The following SMAP1 variants were observed in gnomAD, a reference collection of about 807,000 sequenced individuals.
SMAP1 encodes small ArfGAP 1.
In SMAP1, 24 loss-of-function variants were observed where a neutral mutation model predicts 58.5. That is an observed-to-expected ratio of 0.41 (90% CI 0.30 to 0.58). The LOEUF (loss-of-function observed/expected upper bound fraction) is 0.58. SMAP1 is among the 20% of genes least tolerant of loss of function. The pLI, the probability that SMAP1 is intolerant of heterozygous loss-of-function variation, is 0.29. For missense variants in SMAP1, 563 were observed against 566.3 expected, an observed-to-expected ratio of 0.99 and a Z score of 0.06; for synonymous variants, 216 against 196.6, an observed-to-expected ratio of 1.10 and a Z score of -0.82.
intron 1 of SMAP1, among the ~76,000 whole-genome samples, chr6:70,731,143 C>T (rs901742490): frequency 1.5e-4 from 23 of 152,184 alleles, no homozygotes; most frequent in African/African-American, 5.5e-4. Flanking sequence ...ATACATTTTT[C>T]ATAATCAACT....
intron 4 of SMAP1, among the ~76,000 whole-genome samples, chr6:70,786,605 G>T (rs1401493003): frequency 1.3e-5 from 2 of 151,962 alleles, no homozygotes; most frequent in Non-Finnish European, 2.9e-5. Context: ...CTTCAGCAAA[G>T]TCTCAGGATA....
chr6:70,748,244 A>G (rs1032925464), intron 2 of SMAP1, among the ~76,000 whole-genome samples: 1 of 152,216 alleles, frequency 6.6e-6, no homozygotes, highest in African/African-American at 2.4e-5. Flanking sequence ...GGGACTAAAA[A>G]TATTCATTTT....
At position 70,861,555 on chromosome 6, in the gene SMAP1, T is replaced by C. The variant is rs1317798495; in HGVS notation, c.*1221T>C. The C allele has an allele frequency of 1.2e-5, 12 of 960,706 alleles. No homozygotes were observed. The East Asian group carries it at 2.9e-4, about 24-fold the overall frequency. The allele number at this position is 960,706 out of a possible 1,614,324, so 59.5% of individuals were successfully genotyped here. On this transcript the variant is annotated 3_prime_UTR_variant, in exon 11 of 11. Transcript: ENST00000370455. Reference sequence around the variant, plus strand: ...CATCAGATGACAAGAAAGGCTGCTGTACTGAAGTAAAACAAACAATACCTG... The same window carrying C: ...CATCAGATGACAAGAAAGGCTGCTGCACTGAAGTAAAACAAACAATACCTG...
intron 6 of SMAP1, among the ~76,000 whole-genome samples, chr6:70,829,330 C>G (rs1367464383): frequency 6.6e-6 from 1 of 151,228 alleles, no homozygotes; most frequent in African/African-American, 2.4e-5. Context: ...CCAGCCTGTT[C>G]TCCAACTACT....
At chr6:70,808,547 A>G (rs1049722232) in intron 6 of SMAP1, among the ~76,000 whole-genome samples, 1 of 152,202 alleles carries the variant, frequency 6.6e-6, no homozygotes, top group Non-Finnish European at 1.5e-5. Context: ...CTGATCCATC[A>G]GTCACTTAAC....
At chr6:70,815,007 A>G (rs1769557343) in intron 6 of SMAP1, among the ~76,000 whole-genome samples, 1 of 152,164 alleles carries the variant, frequency 6.6e-6, no homozygotes, top group Non-Finnish European at 1.5e-5. Context: ...TTTCCTACTC[A>G]GAGGTTAGAC....
chr6:70,686,174 G>A (rs1172555237), intron 1 of SMAP1, among the ~76,000 whole-genome samples: 1 of 151,950 alleles, frequency 6.6e-6, no homozygotes, highest in Non-Finnish European at 1.5e-5. Context: ...TTGCCTCAGA[G>A]TCTGTTTTTT....
intron 8 of SMAP1, among the ~76,000 whole-genome samples, chr6:70,854,223 CTG>C (rs995011702): frequency 1.3e-5 from 2 of 152,174 alleles, no homozygotes; most frequent in Non-Finnish European, 2.9e-5. Flanking sequence ...TTTTGGAACA[CTG>C]TTATGTTGAG....
At chr6:70,857,524 G>A (rs1264373382) in intron 9 of SMAP1, 1 of 177,024 alleles carries the variant, frequency 5.6e-6, no homozygotes, top group African/African-American at 2.4e-5. Flanking sequence ...AGCTAAAATT[G>A]TTGGGCAGCC....
At chr6:70,783,936 C>G (rs1490197396) in intron 4 of SMAP1, among the ~76,000 whole-genome samples, 5 of 152,152 alleles carry the variant, frequency 3.3e-5, no homozygotes, top group Non-Finnish European at 7.3e-5. Flanking sequence ...CATTCAGATT[C>G]AGGAAATACA....
At chr6:70,857,403 CTA>C (rs1024187141) in intron 9 of SMAP1, 8 of 169,500 alleles carry the variant, frequency 4.7e-5, no homozygotes, top group African/African-American at 1.9e-4. Flanking sequence ...TAAAAAAAAT[CTA>C]TGAATTTTTT....
rs780765140 is a variant in SMAP1, at chr6:70,861,852, G to A, written c.*1518G>A. 4.2e-5 allele frequency: 68 copies of A among 1,613,886 alleles called. No homozygotes were observed. The highest frequency in any genetic ancestry group is 5.3e-5 in the Non-Finnish European group (62 of 1,179,984). ...TACCTTAGTGCAGTTATTTGCTTTC[G>A]GTTCCAGTTCTTCGACTGTTGTTAT... On this transcript the variant is annotated 3_prime_UTR_variant, in exon 11 of 11. Transcript: ENST00000370455.
chr6:70,770,634 C>G (rs549472789), intron 3 of SMAP1, among the ~76,000 whole-genome samples: 1 of 152,132 alleles, frequency 6.6e-6, no homozygotes, highest in Non-Finnish European at 1.5e-5. Context: ...ATTGGTTATT[C>G]TAGTTCTACA....
chr6:70,804,957 G>T (rs1187428191), intron 6 of SMAP1, among the ~76,000 whole-genome samples: 4 of 151,392 alleles, frequency 2.6e-5, no homozygotes, highest in Admixed American at 2.6e-4. Flanking sequence ...TTCAGCCTTG[G>T]TGAATATGAC....
intron 2 of SMAP1, among the ~76,000 whole-genome samples, chr6:70,742,461 C>T (rs1407794747): frequency 6.6e-6 from 1 of 152,204 alleles, no homozygotes; most frequent in African/African-American, 2.4e-5. Context: ...CCAACAAGTT[C>T]CTCATCTCCA....
Position 70,787,348 on chromosome 6 carries a change from A to G in SMAP1, c.415-4341A>G, listed in dbSNP as rs1768095694. On this transcript the variant is annotated intron_variant, in intron 4 of 10. Transcript: ENST00000370455. ...TTAGACCTAAAACCATAAAAGCCCT[A>G]GAAGAAAACCTAGGCAATACCATTC... 3.3e-5 allele frequency among the ~76,000 whole-genome samples: 5 copies of G among 152,366 alleles called. No homozygotes were observed. The South Asian group carries it at 6.2e-4, about 19-fold the overall frequency.
chr6:70,843,201 T>C (rs1021940333), intron 7 of SMAP1, among the ~76,000 whole-genome samples: 2 of 147,458 alleles, frequency 1.4e-5, no homozygotes, highest in African/African-American at 5.1e-5. Flanking sequence ...TAACAACTAA[T>C]AAGCTAACAA....
At chr6:70,672,920 G>T (rs1018105557) in intron 1 of SMAP1, among the ~76,000 whole-genome samples, 2 of 151,916 alleles carry the variant, frequency 1.3e-5, no homozygotes, top group South Asian at 4.2e-4. Flanking sequence ...TTTCCATACG[G>T]CCCTTACTAG....
At chr6:70,729,814 G>A (rs566379162) in intron 1 of SMAP1, among the ~76,000 whole-genome samples, 2 of 152,294 alleles carry the variant, frequency 1.3e-5, no homozygotes, top group South Asian at 4.1e-4. Flanking sequence ...AAATCAGGAA[G>A]TGTGTTGAAT....
Sources: gnomAD v4.1 joint callset for allele counts (sites outside exome capture counted in the v4.1 genomes callset) on GRCh38, gnomAD v4.1.1 for gene constraint, MANE v1.5 for transcripts, NCBI Gene and HGNC (gene_info 2026-07-23, HGNC 2026-07-21) for gene names.